Variants in LATS2 observed in about 807,000 individuals in gnomAD.
LATS2 encodes the protein serine/threonine-protein kinase LATS2.
A neutral mutation model predicts 76.0 loss-of-function variants in LATS2; 24 were observed. The ratio of observed to expected loss-of-function variants is 0.32; its 90% confidence interval spans 0.23 to 0.44. The LOEUF (loss-of-function observed/expected upper bound fraction) is 0.44, where lower values mean the gene tolerates loss of function less well. Among genes scored for constraint, LATS2 ranks in the 20% least tolerant of loss-of-function variants. The pLI, the probability that LATS2 is intolerant of heterozygous loss-of-function variation, is 1.00. For synonymous variants in LATS2, 692 were observed against 635.4 expected (o/e 1.09, Z -1.34); for missense variants, 1,286 against 1,481.2 (o/e 0.87, Z 2.16).
At chr13:21,009,086 G>A (rs1435764750) in intron 2 of LATS2, among the ~76,000 whole-genome samples, 1 of 152,204 alleles carries the variant, frequency 6.6e-6, no homozygotes, top group Admixed American at 6.5e-5. Context: ...TCCTGCCAGC[G>A]ATTTGGGCCA....
intron 4 of LATS2, among the ~76,000 whole-genome samples, chr13:20,986,467 A>G (rs1430018211): frequency 6.6e-6 from 1 of 152,246 alleles, no homozygotes; most frequent in Non-Finnish European, 1.5e-5. Flanking sequence ...TGTCATTTGG[A>G]GCAACATGAA....
Position 21,017,259 on chromosome 13 carries a change from GT to G in LATS2, c.343-25856del, listed in dbSNP as rs1304280540. 2.6e-5 allele frequency among the ~76,000 whole-genome samples: 4 copies of G among 152,160 alleles called. 1 individual carries two copies. The South Asian group carries it at 6.2e-4, about 24-fold the overall frequency. On this transcript the variant is annotated intron_variant, in intron 2 of 7. Coordinates refer to ENST00000382592, the MANE Select transcript of LATS2 (RefSeq NM_014572.3). ...AGCTGTGTTTTACTGATGTTTGGTA[GT>G]TTTTTTCTTTTGTACTATGACTCAC... is the stretch of plus-strand genomic sequence containing the variant.
chr13:21,008,627 T>C (rs1282695452), intron 2 of LATS2, among the ~76,000 whole-genome samples: 1 of 152,146 alleles, frequency 6.6e-6, no homozygotes, highest in Non-Finnish European at 1.5e-5. Context: ...AGAACTTCAC[T>C]GAAAAAATAA....
intron 7 of LATS2, 84 bp downstream of exon 7, chr13:20,979,607 G>C: frequency 1.5e-6 from 1 of 663,238 alleles, no homozygotes; most frequent in Non-Finnish European, 2.7e-6. Context: ...CAGAATAAGA[G>C]GGCAAATGCT....
rs1237483283 is a variant in LATS2, at chr13:20,988,443, C to G, written c.1337G>C (p.Ser446Thr). ...CGGCTCCGGCCTCAGCACACGCACGCTCTTCACCGGGTGCAAGATGTGCGC... is the reference window on the plus strand; with the variant it reads ...CGGCTCCGGCCTCAGCACACGCACGGTCTTCACCGGGTGCAAGATGTGCGC... ...TAAHILHPVK[S>T]VRVLRPEPQT... The change falls in exon 4 of 8, where the codon AGC (serine) becomes ACC (threonine). Residue 446 changes from serine to threonine, a missense_variant. Ser to Thr is a moderately conservative substitution (Grantham distance 58). Around this residue, in one of 5 missense-constraint regions of LATS2, gnomAD observed 710 missense variants for 660.9 expected, o/e 1.07. Coordinates refer to ENST00000382592, the MANE Select transcript of LATS2 (RefSeq NM_014572.3). 2.6e-6 allele frequency: 4 copies of G among 1,517,312 alleles called. No individual in the cohort carries two copies. The highest frequency in any genetic ancestry group is 3.5e-6 in the Non-Finnish European group (4 of 1,139,594). The allele number at this position is 1,517,312 out of a possible 1,614,324, so 94.0% of individuals were successfully genotyped here. A position where few individuals can be genotyped will look rare whatever the true frequency, so the allele number is the denominator to read the frequency against.
intron 1 of LATS2, among the ~76,000 whole-genome samples, chr13:21,055,751 G>A (rs986304729): frequency 1.3e-5 from 2 of 152,202 alleles, no homozygotes; most frequent in African/African-American, 2.4e-5. Flanking sequence ...GGCATTTTCT[G>A]AAGCAGGATT....
intron 1 of LATS2, among the ~76,000 whole-genome samples, chr13:21,060,780 G>T (rs1219109719): frequency 6.6e-6 from 1 of 151,348 alleles, no homozygotes; most frequent in Non-Finnish European, 1.5e-5. Flanking sequence ...GGGCTCTGAA[G>T]GACTGATTGG....
At chr13:21,043,509 G>A (rs73443393) in intron 2 of LATS2, among the ~76,000 whole-genome samples, 3,370 of 152,222 alleles carry the variant, frequency 0.022, 105 homozygotes, top group African/African-American at 0.074. Flanking sequence ...CAAGAAAAGT[G>A]TGAGTTGGAG....
At chr13:21,053,574 A>C (rs1873351330) in intron 1 of LATS2, among the ~76,000 whole-genome samples, 1 of 152,176 alleles carries the variant, frequency 6.6e-6, no homozygotes, top group Admixed American at 6.5e-5. Context: ...ACTGAGGACA[A>C]AGCCTGCCAG....
chr13:20,994,084 C>G (rs1870633711), intron 2 of LATS2, among the ~76,000 whole-genome samples: 5 of 152,186 alleles, frequency 3.3e-5, no homozygotes, highest in Admixed American at 3.3e-4. Context: ...CTCAAATTCC[C>G]TCCCTGTTTA....
intron 2 of LATS2, among the ~76,000 whole-genome samples, chr13:21,010,620 C>T (rs915485724): frequency 1.3e-5 from 2 of 152,218 alleles, no homozygotes; most frequent in Admixed American, 1.3e-4. Context: ...ACACTGTGAA[C>T]TCTGGAAGAG....
At chr13:21,018,151 A>C (rs1871884019) in intron 2 of LATS2, 1 of 152,230 alleles carries the variant, frequency 6.6e-6, no homozygotes, top group African/African-American at 2.4e-5. Context: ...TGACAGTTCA[A>C]GGAGGTCTCT....
At chr13:21,052,084 G>A (rs1242141345) in intron 1 of LATS2, among the ~76,000 whole-genome samples, 1 of 152,160 alleles carries the variant, frequency 6.6e-6, no homozygotes, top group Non-Finnish European at 1.5e-5. Flanking sequence ...ACTTAACCTT[G>A]CTGAGTTTCA....
At chr13:20,986,831 A>T (rs1870165570) in intron 4 of LATS2, among the ~76,000 whole-genome samples, 1 of 152,240 alleles carries the variant, frequency 6.6e-6, no homozygotes. Flanking sequence ...TGACTTGATC[A>T]TTACATATCC....
intron 2 of LATS2, among the ~76,000 whole-genome samples, chr13:21,007,575 A>ATATATAG: frequency 5.0e-5 from 1 of 20,066 alleles, no homozygotes; most frequent in African/African-American, 5.0e-4. Context: ...ATATATATAT[A>ATATATAG]TATATATATA....
chr13:21,026,647 G>T (rs1160476223), intron 2 of LATS2, among the ~76,000 whole-genome samples: 1 of 152,162 alleles, frequency 6.6e-6, no homozygotes, highest in Non-Finnish European at 1.5e-5. Context: ...GAGACATACG[G>T]TAGGTATGTT....
Position 21,046,156 on chromosome 13 carries a change from C to A in LATS2, c.-130G>T. 3 of 737,468 alleles carry A rather than the reference C, an allele frequency of 4.1e-6. No individual in the cohort carries two copies. Among genetic ancestry groups the A allele is most frequent in the East Asian group, 2.8e-5 (1 of 36,334 alleles). The allele number at this position is 737,468 out of a possible 1,614,324, so 45.7% of individuals were successfully genotyped here. ...AAAATAATTTCCTTTTGAAAATGTT[C>A]TTTCCTTCCATTTTTGTAGTTCCTA... On this transcript the variant is annotated 5_prime_UTR_variant, in exon 2 of 8. Coordinates refer to ENST00000382592, the MANE Select transcript of LATS2 (RefSeq NM_014572.3).
chr13:21,043,214 T>C (rs1169998294), intron 2 of LATS2, among the ~76,000 whole-genome samples: 1 of 151,674 alleles, frequency 6.6e-6, no homozygotes, highest in Non-Finnish European at 1.5e-5. Context: ...GTTGCGTGCC[T>C]GTAATCGCAG....
intron 2 of LATS2, among the ~76,000 whole-genome samples, chr13:21,030,613 A>AG (rs1555226888): frequency 0.097 from 1,869 of 19,176 alleles, 75 homozygotes; most frequent in African/African-American, 0.17. Context: ...AAAAAAAAAG[A>AG]AAAAAAAAAA....
Sources: gnomAD v4.1 joint callset for allele counts (sites outside exome capture counted in the v4.1 genomes callset) on GRCh38, gnomAD v4.1.1 for gene constraint, gnomAD v4.1.1 regional missense constraint, MANE v1.5 for transcripts, NCBI Gene and HGNC (gene_info 2026-07-23, HGNC 2026-07-21) for gene names.